The following PPP2R2C variants were observed in gnomAD, a reference collection of about 807,000 sequenced individuals.
PPP2R2C encodes the protein protein phosphatase 2 regulatory subunit Bgamma, also known as protein phosphatase 2, regulatory subunit B, gamma.
In PPP2R2C, 10 loss-of-function variants were observed where a neutral mutation model predicts 45.3. That is an observed-to-expected ratio of 0.22 (90% CI 0.14 to 0.37). PPP2R2C has a LOEUF of 0.37. Ranked by LOEUF, PPP2R2C falls within the 10% of genes least tolerant of loss-of-function variation. The pLI, the probability that PPP2R2C is intolerant of heterozygous loss-of-function variation, is 1.00. For missense variants in PPP2R2C, 308 were observed against 619.7 expected (o/e 0.50, Z 5.34); for synonymous variants, 257 against 245.4 (o/e 1.05, Z -0.44).
At chr4:6,371,855 A>G (rs1052731167) in intron 5 of PPP2R2C, among the ~76,000 whole-genome samples, 2 of 152,204 alleles carry the variant, frequency 1.3e-5, no homozygotes, top group African/African-American at 4.8e-5. Flanking sequence ...GGTTGTATGC[A>G]GAATAGTGAC....
Position 6,333,631 on chromosome 4 carries a change from G to C in PPP2R2C, c.891C>G (p.Leu297=). The change falls in exon 7 of 9, where the codon CTC becomes CTG. Residue 297 remains leucine (L), a synonymous_variant. Transcript: ENST00000382599. ...VKFSHSGRYM[L]TRDYLTVKVW... The stretch of plus-strand genomic sequence containing the variant: ...CCTTGACTGTAAGGTAGTCCCGGGT[G>C]AGCATGTAGCGGCCGCTGTGGCTGA... 1.9e-6 allele frequency: 3 copies of C among 1,614,180 alleles called. No homozygotes were observed. The highest frequency in any genetic ancestry group is 2.5e-6 in the Non-Finnish European group (3 of 1,180,012).
At chr4:6,526,206 C>G (rs546593842) in intron 2 of PPP2R2C, among the ~76,000 whole-genome samples, 1 of 152,366 alleles carries the variant, frequency 6.6e-6, no homozygotes, top group South Asian at 2.1e-4. Flanking sequence ...GCACACACGT[C>G]TCCGTGAATA....
chr4:6,543,485 G>C (rs1207645135), intron 1 of PPP2R2C, among the ~76,000 whole-genome samples: 1 of 152,200 alleles, frequency 6.6e-6, no homozygotes, highest in African/African-American at 2.4e-5. Context: ...CACTTTGGGA[G>C]GCCAAGGTGG....
chr4:6,508,040 C>T (rs1231608459), intron 2 of PPP2R2C, among the ~76,000 whole-genome samples: 1 of 152,156 alleles, frequency 6.6e-6, no homozygotes, highest in Non-Finnish European at 1.5e-5. Flanking sequence ...TCAGGAGGAT[C>T]GCTGGAGCCC....
At chr4:6,458,934 C>T (rs1211432666) in intron 1 of PPP2R2C, among the ~76,000 whole-genome samples, 1 of 152,126 alleles carries the variant, frequency 6.6e-6, no homozygotes, top group East Asian at 1.9e-4. Flanking sequence ...AAGGAAGTTA[C>T]CGGAAGGCTC....
At chr4:6,423,440 G>C in intron 1 of PPP2R2C, among the ~76,000 whole-genome samples, 1 of 152,196 alleles carries the variant, frequency 6.6e-6, no homozygotes, top group South Asian at 2.1e-4. Flanking sequence ...CTGACCTCAA[G>C]TGATCCACCC....
chr4:6,518,709 G>T (rs1723909015), intron 2 of PPP2R2C, among the ~76,000 whole-genome samples: 1 of 152,082 alleles, frequency 6.6e-6, no homozygotes, highest in Admixed American at 6.5e-5. Flanking sequence ...GCTCATCAGA[G>T]GTCAGGAGTT....
chr4:6,334,180 C>T (rs1242295564), intron 6 of PPP2R2C, among the ~76,000 whole-genome samples: 1 of 152,290 alleles, frequency 6.6e-6, no homozygotes, highest in South Asian at 2.1e-4. Context: ...GCCCTGGGAC[C>T]TTGGGCCAGT....
At chr4:6,539,277 A>C (rs564465667) in intron 1 of PPP2R2C, among the ~76,000 whole-genome samples, 2 of 152,114 alleles carry the variant, frequency 1.3e-5, no homozygotes, top group African/African-American at 4.8e-5. Context: ...TGGGCAAAAC[A>C]CCAGAAGCCA....
chr4:6,347,023 G>A (rs979014737), intron 6 of PPP2R2C, among the ~76,000 whole-genome samples: 22 of 152,334 alleles, frequency 1.4e-4, no homozygotes, highest in Middle Eastern at 6.8e-3. Context: ...GGAGGATGCC[G>A]TGGCCTGATC....
chr4:6,381,910 A>G, intron 1 of PPP2R2C: 1 of 1,582,974 alleles, frequency 6.3e-7, no homozygotes, highest in Non-Finnish European at 8.6e-7. Flanking sequence ...CAACATTCTC[A>G]GGTTCTACGA....
intron 1 of PPP2R2C, among the ~76,000 whole-genome samples, chr4:6,419,686 AATC>A (rs1718840050): frequency 2.0e-5 from 3 of 152,162 alleles, no homozygotes; most frequent in Non-Finnish European, 4.4e-5. Context: ...GCTGGAAAAC[AATC>A]GAACTTTATC....
At chr4:6,532,178 C>A (rs562673275) in intron 2 of PPP2R2C, among the ~76,000 whole-genome samples, 3 of 152,346 alleles carry the variant, frequency 2.0e-5, no homozygotes, top group African/African-American at 7.2e-5. Flanking sequence ...CTCCACTTTA[C>A]AGATGGCCTG....
In PPP2R2C at chr4:6,550,167, T is replaced by TC. The variant is rs1305030344; in HGVS notation, c.-59+13392dup. 2.0e-5 allele frequency among the ~76,000 whole-genome samples: 3 copies of TC among 152,126 alleles called. No homozygotes were observed. The East Asian group carries it at 5.8e-4, about 30-fold the overall frequency. On this transcript the variant is annotated intron_variant, in intron 1 of 9. Coordinates refer to the PPP2R2C transcript ENST00000506140. ...GTGAGTCACTCAGCCTCTCTGAGCC[T>TC]CCCCGTCCCCCACTGGTGGAATGAG...
At position 6,320,643 on chromosome 4, in the gene PPP2R2C, T is replaced by C. The variant is rs188444246; in HGVS notation, c.*2659A>G. On this transcript the variant is annotated 3_prime_UTR_variant, in exon 9 of 9. Transcript: ENST00000382599. Reference sequence around the variant, plus strand: ...TGGTATTAACATATTTATAGTTTTATTCAACAATTGGGTAATTTGTGAGAC... The same window carrying C: ...TGGTATTAACATATTTATAGTTTTACTCAACAATTGGGTAATTTGTGAGAC... 2 of 152,688 alleles carry C rather than the reference T, an allele frequency of 1.3e-5. No homozygotes were observed. The highest frequency in any genetic ancestry group is 4.8e-5 in the African/African-American group (2 of 41,562). 9.5% of individuals were successfully genotyped at this position (152,688 alleles called of 1,614,324 possible).
At chr4:6,381,859 C>T (rs746239244) in intron 1 of PPP2R2C, 1 of 1,612,758 alleles carries the variant, frequency 6.2e-7, no homozygotes. Context: ...CCAGGCCCCA[C>T]TTTTTGCATG....
intron 5 of PPP2R2C, among the ~76,000 whole-genome samples, chr4:6,358,286 T>C (rs925301517): frequency 2.0e-5 from 3 of 152,176 alleles, no homozygotes; most frequent in Non-Finnish European, 2.9e-5. Context: ...TAGCCATATG[T>C]AGAAAGCTGA....
chr4:6,466,192 G>C (rs1215728521), intron 1 of PPP2R2C, among the ~76,000 whole-genome samples: 1 of 152,208 alleles, frequency 6.6e-6, no homozygotes, highest in Non-Finnish European at 1.5e-5. Context: ...GTGAACACAG[G>C]GTAGCGTGCT....
chr4:6,400,930 G>C (rs1717376071), intron 1 of PPP2R2C, among the ~76,000 whole-genome samples: 1 of 152,202 alleles, frequency 6.6e-6, no homozygotes, highest in South Asian at 2.1e-4. Context: ...TGGGAGTTGA[G>C]GAACATTTCA....
Sources: gnomAD v4.1 joint callset for allele counts (sites outside exome capture counted in the v4.1 genomes callset) on GRCh38, gnomAD v4.1.1 for gene constraint, MANE v1.5 for transcripts, NCBI Gene and HGNC (gene_info 2026-07-23, HGNC 2026-07-21) for gene names.